CASK: variants seen among roughly 807,000 people sequenced by gnomAD.
CASK encodes the protein calcium/calmodulin dependent serine protein kinase.
In CASK, 4 loss-of-function variants were observed where a neutral mutation model predicts 82.9. The ratio of observed to expected loss-of-function variants is 0.05; its 90% CI spans 0.02 to 0.11. The LOEUF (loss-of-function observed/expected upper bound fraction) is 0.11, where lower values mean the gene tolerates loss of function less well. Ranked by LOEUF, CASK falls within the 10% of genes least tolerant of loss-of-function variation. The pLI is 1.00. For missense variants in CASK, 358 were observed against 720.9 expected (o/e 0.50, Z 5.76); for synonymous variants, 259 against 253.5 (o/e 1.02, Z -0.20).
intron 2 of CASK, among the ~76,000 whole-genome samples, chrX:41,797,948 T>G (rs2069896347): frequency 8.9e-6 from 1 of 112,085 alleles, no homozygotes; most frequent in Non-Finnish European, 1.9e-5. Flanking sequence ...AATGGAAAAC[T>G]TCAAGGTACT....
At chrX:41,699,251 G>A (rs182748141) in intron 5 of CASK, among the ~76,000 whole-genome samples, 7 of 111,445 alleles carry the variant, frequency 6.3e-5, no homozygotes, top group Admixed American at 5.8e-4. Context: ...ATAAGTGCCC[G>A]CAAATATAAT....
intron 24 of CASK, among the ~76,000 whole-genome samples, chrX:41,534,392 A>AACACAC (rs56349527): frequency 0.015 from 1,408 of 91,207 alleles, 13 homozygotes; most frequent in African/African-American, 0.032. Context: ...TTTTATTTAA[A>AACACAC]ACACACACAC....
intron 25 of CASK, among the ~76,000 whole-genome samples, chrX:41,530,050 C>A (rs746776259): frequency 3.6e-4 from 40 of 111,752 alleles, no homozygotes; most frequent in Non-Finnish European, 6.2e-4. Context: ...TGAAACACAG[C>A]CTGCTTGAGG....
chrX:41,767,314 G>A (rs1392750986), intron 3 of CASK, among the ~76,000 whole-genome samples: 1 of 111,685 alleles, frequency 9.0e-6, no homozygotes, highest in Non-Finnish European at 1.9e-5. Flanking sequence ...AGGGCTGACT[G>A]CAGAGCTTGA....
chrX:41,923,137 G>GC lies in CASK; in HGVS notation c.-150dup. The GC allele has an allele frequency of 2.6e-6, 1 of 387,249 alleles. No individual in the cohort carries two copies. Among genetic ancestry groups the GC allele is most frequent in the Non-Finnish European group, 4.3e-6 (1 of 231,116 alleles). The allele number at this position is 387,249 out of a possible 1,213,427, so 31.9% of individuals were successfully genotyped here. On this transcript the variant is annotated 5_prime_UTR_variant, in exon 1 of 27. Coordinates refer to ENST00000378163, the MANE Select transcript of CASK (RefSeq NM_001367721.1). ...GAGGACGCTCGAGTGGGGCCGCGAG[G>GC]CCCAGAGACTGCGGCGCCTTCCTCT...
chrX:41,544,897 T>C lies in CASK; in HGVS notation c.2040-2091A>G, dbSNP rs769279243. 1.4e-4 allele frequency among the ~76,000 whole-genome samples: 16 copies of C among 111,378 alleles called. No homozygotes were observed. The South Asian group carries it at 5.9e-3, about 41-fold the overall frequency. ...GCCTGGGAGACAGAGACCCTGACTT[T>C]AGAGAAATAAAAAATAAATAAAAAT... On this transcript the variant is annotated intron_variant, in intron 21 of 26. Transcript: ENST00000378163.
intron 3 of CASK, among the ~76,000 whole-genome samples, chrX:41,766,455 CAG>C (rs780258851): frequency 9.5e-4 from 107 of 112,220 alleles, no homozygotes; most frequent in African/African-American, 3.3e-3. Context: ...GTAGAAAATA[CAG>C]AGTTTCATAC....
chrX:41,799,464 C>T (rs769973380), intron 2 of CASK, among the ~76,000 whole-genome samples: 6 of 110,401 alleles, frequency 5.4e-5, no homozygotes, highest in African/African-American at 2.0e-4. Flanking sequence ...CGCTTGAACC[C>T]GGGAGGCAGT....
In CASK at chrX:41,542,799, C is replaced by T. The variant is rs1162012524; in HGVS notation, c.2047G>A (p.Ala683Thr). ...TTGGTCTTCTCCATGGCAATGCAAG[C>T]TACTCGCCTAGCACATACAAAAAGA... ...PSPELQEWRV[A>T]CIAMEKTKQE... Residue 683 changes from alanine to threonine, a missense_variant, in exon 22 of 27, where the codon GCT becomes ACT. Ala to Thr is a moderately conservative substitution (Grantham distance 58). Transcript: ENST00000378163. 8.8e-7 allele frequency: 1 copy of T among 1,136,605 alleles called. No individual in the cohort carries two copies. Among genetic ancestry groups the T allele is most frequent in the East Asian group, 3.0e-5 (1 of 33,573 alleles). 93.7% of individuals were successfully genotyped at this position (1,136,605 alleles called of 1,213,427 possible).
chrX:41,547,680 T>C (rs1179502504), intron 21 of CASK, among the ~76,000 whole-genome samples: 2 of 108,850 alleles, frequency 1.8e-5, no homozygotes, highest in African/African-American at 3.4e-5. Flanking sequence ...TGGAGGGCAG[T>C]GGCGCGATCT....
At chrX:41,831,199 G>A (rs773365096) in intron 2 of CASK, among the ~76,000 whole-genome samples, 1 of 111,056 alleles carries the variant, frequency 9.0e-6, no homozygotes, top group South Asian at 3.9e-4. Flanking sequence ...TAGGGGTGCA[G>A]GACACATAAA....
chrX:41,727,223 G>A (rs759467564), intron 5 of CASK: 1 of 1,203,627 alleles, frequency 8.3e-7, no homozygotes, highest in South Asian at 1.8e-5. Flanking sequence ...CTTGTGTGCA[G>A]TGCCATGCCT....
chrX:41,888,842 T>C (rs767021204), intron 1 of CASK, among the ~76,000 whole-genome samples: 1 of 107,522 alleles, frequency 9.3e-6, no homozygotes, highest in African/African-American at 3.4e-5. Context: ...TATATATGTG[T>C]GTGTGTATAT....
At chrX:41,656,552 T>G (rs1318955877) in intron 8 of CASK, among the ~76,000 whole-genome samples, 1 of 111,705 alleles carries the variant, frequency 9.0e-6, no homozygotes, top group Non-Finnish European at 1.9e-5. Context: ...CTCAGAGTAA[T>G]AGTTTGATAG....
intron 2 of CASK, among the ~76,000 whole-genome samples, chrX:41,824,742 G>C (rs1393694883): frequency 9.0e-6 from 1 of 111,467 alleles, no homozygotes; most frequent in Non-Finnish European, 1.9e-5. Flanking sequence ...CACTAGCATG[G>C]TGTCTCAGTG....
chrX:41,533,950 G>A (rs1340756554), intron 24 of CASK, among the ~76,000 whole-genome samples: 2 of 111,700 alleles, frequency 1.8e-5, no homozygotes, highest in East Asian at 2.8e-4. Flanking sequence ...GAGCCACCGC[G>A]CCTGGCCTAA....
At chrX:41,770,313 T>TATCCATCCATCCATCC (rs772189964) in intron 3 of CASK, among the ~76,000 whole-genome samples, 3 of 95,904 alleles carry the variant, frequency 3.1e-5, no homozygotes, top group Admixed American at 2.3e-4. Flanking sequence ...CCTACCTACC[T>TATCCATCCATCCATCC]ATCCATCCAT....
intron 16 of CASK, among the ~76,000 whole-genome samples, chrX:41,568,241 A>C (rs1446607863): frequency 1.8e-5 from 2 of 111,100 alleles, no homozygotes; most frequent in Non-Finnish European, 3.8e-5. Flanking sequence ...AGTATAATAA[A>C]AAACAAAAAA....
At chrX:41,752,052 C>G (rs1276321143) in intron 3 of CASK, among the ~76,000 whole-genome samples, 9 of 98,939 alleles carry the variant, frequency 9.1e-5, no homozygotes, top group African/African-American at 3.4e-4. Flanking sequence ...TCCCCACCCA[C>G]CAAAAAAAAA....
Sources: allele counts gnomAD v4.1 joint callset (sites outside exome capture counted in the v4.1 genomes callset), GRCh38; gene constraint gnomAD v4.1.1; transcripts MANE v1.5; gene names NCBI Gene and HGNC (gene_info 2026-07-23, HGNC 2026-07-21).